The following RARB variants were observed in gnomAD, a reference collection of about 807,000 sequenced individuals.
RARB encodes HBV-activated protein.
Under a neutral mutation model 51.9 loss-of-function variants are expected in RARB, and 17 were observed. The observed-to-expected ratio is 0.33, with a 90% CI of 0.22 to 0.49. The LOEUF is 0.49. Ranked by LOEUF, RARB falls within the 20% of genes least tolerant of loss-of-function variation. The pLI, the probability that RARB is intolerant of heterozygous loss-of-function variation, is 0.99. For missense variants in RARB, 369 were observed against 550.8 expected (o/e 0.67, Z 3.30); for synonymous variants, 215 against 195.4 (o/e 1.10, Z -0.84).
chr3:25,338,583 C>G lies in RARB; in HGVS notation c.179-122610C>G, dbSNP rs540887456. 3.3e-5 allele frequency among the ~76,000 whole-genome samples: 5 copies of G among 152,256 alleles called. No homozygotes were observed. The East Asian group carries it at 9.7e-4, about 29-fold the overall frequency. ...GCAGCTGCCAGCCTGCTAGGAACCT[C>G]CCTTTTAACCATAGGGAAGTTCAAA... On this transcript the variant is annotated intron_variant, in intron 5 of 11. Transcript: ENST00000383772.
chr3:24,855,524 G>A (rs926681160), intron 1 of RARB, among the ~76,000 whole-genome samples: 1 of 152,064 alleles, frequency 6.6e-6, no homozygotes, highest in Non-Finnish European at 1.5e-5. Flanking sequence ...TTCCCTGTAG[G>A]CCTTCTCTGA....
chr3:25,242,079 CAT>C (rs1457754427), intron 5 of RARB, among the ~76,000 whole-genome samples: 1 of 152,190 alleles, frequency 6.6e-6, no homozygotes, highest in Non-Finnish European at 1.5e-5. Context: ...AGCTTCTTTT[CAT>C]ATGTTTTTTG....
At chr3:25,436,728 T>G (rs370222458) in intron 1 of RARB, among the ~76,000 whole-genome samples, 1 of 152,192 alleles carries the variant, frequency 6.6e-6, no homozygotes, top group African/African-American at 2.4e-5. Context: ...TCCTATCACC[T>G]GTACCTCAAA....
chr3:24,829,415 A>G (rs1702250042), intron 1 of RARB, among the ~76,000 whole-genome samples: 1 of 152,170 alleles, frequency 6.6e-6, no homozygotes, highest in Non-Finnish European at 1.5e-5. Flanking sequence ...TAAAGCCAGG[A>G]GAGCGCGCTG....
chr3:24,898,712 C>T (rs1174173768), intron 2 of RARB, among the ~76,000 whole-genome samples: 1 of 152,114 alleles, frequency 6.6e-6, no homozygotes, highest in Non-Finnish European at 1.5e-5. Flanking sequence ...TCCCCCTTCC[C>T]CTATAGCGGA....
intron 4 of RARB, among the ~76,000 whole-genome samples, chr3:25,573,538 G>A (rs183628531): frequency 6.6e-6 from 1 of 152,324 alleles, no homozygotes; most frequent in East Asian, 1.9e-4. Flanking sequence ...GCAGCTGACC[G>A]TGCTCTTCAT....
intron 2 of RARB, among the ~76,000 whole-genome samples, chr3:24,952,673 A>C (rs2125406631): frequency 6.6e-6 from 1 of 152,236 alleles, no homozygotes; most frequent in East Asian, 1.9e-4. Flanking sequence ...GCCACTGAAG[A>C]CTGCTGCTGC....
intron 2 of RARB, among the ~76,000 whole-genome samples, chr3:24,960,245 C>T (rs1696109140): frequency 6.6e-6 from 1 of 152,088 alleles, no homozygotes; most frequent in African/African-American, 2.4e-5. Context: ...CAGATGGTTG[C>T]CTTTAAAATG....
intron 4 of RARB, among the ~76,000 whole-genome samples, chr3:25,157,159 G>A (rs1333026041): frequency 6.6e-6 from 1 of 152,156 alleles, no homozygotes; most frequent in African/African-American, 2.4e-5. Flanking sequence ...TAAGGTATCT[G>A]TTCAAAACAA....
intron 2 of RARB, among the ~76,000 whole-genome samples, chr3:25,059,855 G>C (rs977799778): frequency 7.0e-4 from 106 of 151,816 alleles, no homozygotes; most frequent in African/African-American, 2.3e-3. Context: ...TGGTAAATAC[G>C]GTAGCATCTT....
intron 1 of RARB, among the ~76,000 whole-genome samples, chr3:25,448,584 C>G (rs1179964337): frequency 6.6e-6 from 1 of 152,150 alleles, no homozygotes; most frequent in East Asian, 1.9e-4. Flanking sequence ...TCTCCTGCCT[C>G]AGCCTCCCGA....
intron 3 of RARB, among the ~76,000 whole-genome samples, chr3:25,520,851 A>C (rs1035526177): frequency 6.6e-6 from 1 of 152,234 alleles, no homozygotes; most frequent in Non-Finnish European, 1.5e-5. Flanking sequence ...AAAGGTATGT[A>C]AAGCAAATTC....
At chr3:25,404,765 A>G (rs1707361156) in intron 5 of RARB, among the ~76,000 whole-genome samples, 1 of 152,234 alleles carries the variant, frequency 6.6e-6, no homozygotes, top group East Asian at 1.9e-4. Context: ...CATTGCAGCT[A>G]CATGAAACAA....
At chr3:25,478,144 A>G (rs1696051075) in intron 2 of RARB, among the ~76,000 whole-genome samples, 1 of 152,156 alleles carries the variant, frequency 6.6e-6, no homozygotes. Flanking sequence ...ATGGCCTTTT[A>G]TTCCCTAGCC....
At chr3:25,106,446 T>C (rs1254207561) in intron 3 of RARB, among the ~76,000 whole-genome samples, 1 of 88,158 alleles carries the variant, frequency 1.1e-5, no homozygotes, top group African/African-American at 4.3e-5. Flanking sequence ...CAGCTACTGT[T>C]TTTTGTTTTT....
intron 3 of RARB, among the ~76,000 whole-genome samples, chr3:25,528,255 G>A (rs1262967963): frequency 6.6e-6 from 1 of 152,190 alleles, no homozygotes; most frequent in African/African-American, 2.4e-5. Context: ...AGTGTGCCCA[G>A]ATGGCCAGCA....
chr3:24,913,229 C>T (rs1234771460), intron 2 of RARB, among the ~76,000 whole-genome samples: 4 of 145,906 alleles, frequency 2.7e-5, no homozygotes, highest in Admixed American at 6.7e-5. Context: ...CCTGATCTGC[C>T]CACCTTGGCC....
chr3:25,229,441 C>G (rs968064191), intron 5 of RARB, among the ~76,000 whole-genome samples: 1 of 152,180 alleles, frequency 6.6e-6, no homozygotes, highest in African/African-American at 2.4e-5. Context: ...GGCAGTACAG[C>G]TCTCTGTAAA....
chr3:25,489,539 A>G (rs537081634), intron 2 of RARB, among the ~76,000 whole-genome samples: 2 of 152,350 alleles, frequency 1.3e-5, no homozygotes, highest in South Asian at 4.1e-4. Context: ...ATCACAAAAA[A>G]AGATTGTTAC....
Sources: gnomAD v4.1 joint callset for allele counts (sites outside exome capture counted in the v4.1 genomes callset) on GRCh38, gnomAD v4.1.1 for gene constraint, MANE v1.5 for transcripts, NCBI Gene and HGNC (gene_info 2026-07-23, HGNC 2026-07-21) for gene names.